The following TBCEL variants were observed in gnomAD, a reference collection of about 807,000 sequenced individuals.
The protein encoded by TBCEL is tubulin folding cofactor E like.
A neutral mutation model predicts 44.2 loss-of-function variants in TBCEL; 15 were observed. That is an observed-to-expected ratio of 0.34 (90% CI 0.23 to 0.52). The LOEUF is 0.52. Ranked by LOEUF, TBCEL falls within the 20% of genes least tolerant of loss-of-function variation. The pLI is 0.95. For synonymous variants in TBCEL, 171 were observed against 185.4 expected (o/e 0.92, Z 0.63); for missense variants, 319 against 506.3 (o/e 0.63, Z 3.55).
chr11:121,051,066 T>G lies in TBCEL; in HGVS notation c.274-2485T>G, dbSNP rs115629629. Among the ~76,000 whole-genome samples, 402 of 151,878 alleles carry G rather than the reference T, an allele frequency of 2.6e-3. 3 individuals carry two copies. The highest frequency in any genetic ancestry group is 8.9e-3 in the African/African-American group (370 of 41,496). ...AATTTGAGGTTACTCAAAAAAACCT[T>G]TTTTATTTTATCCCTTTAAAGAAAA... On this transcript the variant is annotated intron_variant, in intron 4 of 8. Coordinates refer to ENST00000683345, the MANE Select transcript of TBCEL (RefSeq NM_001363644.2).
At chr11:121,062,775 T>C (rs141908433) in intron 8 of TBCEL, among the ~76,000 whole-genome samples, 1 of 152,278 alleles carries the variant, frequency 6.6e-6, no homozygotes, top group African/African-American at 2.4e-5. Flanking sequence ...AAACCAACTT[T>C]AGACAGGAAC....
chr11:121,058,609 T>C (rs1945664502), intron 7 of TBCEL, 138 bp downstream of exon 7: 1 of 1,040,068 alleles, frequency 9.6e-7, no homozygotes, highest in Non-Finnish European at 1.4e-6. Context: ...GCTGCCCCTG[T>C]AGCTCCAAAT....
intron 8 of TBCEL, among the ~76,000 whole-genome samples, chr11:121,071,528 T>C (rs1945932760): frequency 6.6e-6 from 1 of 152,194 alleles, no homozygotes; most frequent in African/African-American, 2.4e-5. Context: ...AAACAGGTTT[T>C]CTTAGAGGCT....
At chr11:121,030,952 C>T (rs185378842) in intron 1 of TBCEL, among the ~76,000 whole-genome samples, 34 of 151,798 alleles carry the variant, frequency 2.2e-4, no homozygotes, top group African/African-American at 7.3e-4. Flanking sequence ...TTTCAAAAGC[C>T]ATTCATGTTG....
intron 2 of TBCEL, among the ~76,000 whole-genome samples, chr11:121,037,973 T>C (rs955528314): frequency 5.9e-5 from 9 of 152,132 alleles, no homozygotes; most frequent in Non-Finnish European, 1.3e-4. Context: ...ATTTTTTTTT[T>C]TTTTTAGACG....
At chr11:121,074,195 A>G (rs1442322158) in intron 8 of TBCEL, among the ~76,000 whole-genome samples, 1 of 152,006 alleles carries the variant, frequency 6.6e-6, no homozygotes, top group Non-Finnish European at 1.5e-5. Flanking sequence ...TGGATGGGCA[A>G]TACTTCCACA....
chr11:121,062,241 T>G (rs1262023042), intron 8 of TBCEL, among the ~76,000 whole-genome samples: 1 of 152,130 alleles, frequency 6.6e-6, no homozygotes, highest in Non-Finnish European at 1.5e-5. Context: ...ATGATAGTAG[T>G]GCCTTCCTCT....
chr11:121,074,917 C>G (rs191784401), intron 8 of TBCEL, among the ~76,000 whole-genome samples: 2 of 151,964 alleles, frequency 1.3e-5, no homozygotes, highest in African/African-American at 4.8e-5. Context: ...GTGTACCCTT[C>G]ACCTAGTTTC....
chr11:121,060,301 T>A (rs1945698097), intron 8 of TBCEL, among the ~76,000 whole-genome samples: 1 of 151,980 alleles, frequency 6.6e-6, no homozygotes, highest in Non-Finnish European at 1.5e-5. Context: ...ACACATGTAT[T>A]AAGAATGATT....
intron 6 of TBCEL, among the ~76,000 whole-genome samples, chr11:121,058,120 A>T (rs1239517409): frequency 6.6e-6 from 1 of 151,648 alleles, no homozygotes; most frequent in Non-Finnish European, 1.5e-5. Flanking sequence ...AGACAATAAC[A>T]CTCTCTTAAC....
intron 1 of TBCEL, among the ~76,000 whole-genome samples, chr11:121,032,526 A>T (rs1049407290): frequency 1.3e-5 from 2 of 152,206 alleles, no homozygotes; most frequent in Non-Finnish European, 2.9e-5. Context: ...TTGATTCGTT[A>T]ACATTGAATT....
intron 1 of TBCEL, among the ~76,000 whole-genome samples, chr11:121,031,548 TTAAG>T (rs1474581081): frequency 1.3e-5 from 2 of 152,134 alleles, no homozygotes; most frequent in Non-Finnish European, 2.9e-5. Context: ...CTTACTGTTT[TTAAG>T]AGTTCTCTGT....
At position 121,049,987 on chromosome 11, in the gene TBCEL, A is replaced by G. The variant is rs140262332; in HGVS notation, c.273+2320A>G. Reference sequence around the variant, plus strand: ...AGTGCTCTATAGTCTGTTTTCAGGCAGTTTTCAAGTAAATATTTGTTGCTG... The same window carrying G: ...AGTGCTCTATAGTCTGTTTTCAGGCGGTTTTCAAGTAAATATTTGTTGCTG... On this transcript the variant is annotated intron_variant, in intron 4 of 8. Coordinates refer to ENST00000683345, the MANE Select transcript of TBCEL (RefSeq NM_001363644.2). Among the ~76,000 whole-genome samples, 291 of 151,886 alleles carry G rather than the reference A, an allele frequency of 1.9e-3. 4 individuals are homozygous for G. The highest frequency in any genetic ancestry group is 6.2e-4 in the South Asian group (3 of 4,824).
chr11:121,029,296 G>A (rs1042189173), intron 1 of TBCEL, among the ~76,000 whole-genome samples: 2 of 152,102 alleles, frequency 1.3e-5, no homozygotes, highest in Non-Finnish European at 2.9e-5. Context: ...TCCCACCTCT[G>A]CCAAAAGGGG....
intron 8 of TBCEL, among the ~76,000 whole-genome samples, chr11:121,064,244 G>A (rs1209113549): frequency 6.6e-6 from 1 of 152,170 alleles, no homozygotes; most frequent in African/African-American, 2.4e-5. Flanking sequence ...CCTTGAGTTT[G>A]CAGACCTGTC....
At chr11:121,063,760 A>AT (rs1344864623) in intron 8 of TBCEL, among the ~76,000 whole-genome samples, 1 of 152,174 alleles carries the variant, frequency 6.6e-6, no homozygotes, top group African/African-American at 2.4e-5. Flanking sequence ...TTGCCTGCAC[A>AT]TAACTTTGTT....
chr11:121,029,982 A>C (rs947090643), intron 1 of TBCEL, among the ~76,000 whole-genome samples: 1 of 152,168 alleles, frequency 6.6e-6, no homozygotes, highest in Non-Finnish European at 1.5e-5. Context: ...CAAACACTGA[A>C]CTAACGGATT....
At chr11:121,047,174 A>G (rs1009967077) in intron 3 of TBCEL, among the ~76,000 whole-genome samples, 1 of 152,102 alleles carries the variant, frequency 6.6e-6, no homozygotes, top group Non-Finnish European at 1.5e-5. Flanking sequence ...CCTATAAGAA[A>G]GTACTGGTAG....
Position 121,037,716 on chromosome 11 carries a change from A to G in TBCEL, c.-18+1104A>G, listed in dbSNP as rs113046083. 3.9e-3 allele frequency among the ~76,000 whole-genome samples: 591 copies of G among 152,348 alleles called. 8 individuals are homozygous for G. The highest frequency in any genetic ancestry group is 0.012 in the African/African-American group (483 of 41,568). On this transcript the variant is annotated intron_variant, in intron 2 of 8. Coordinates refer to ENST00000683345, the MANE Select transcript of TBCEL (RefSeq NM_001363644.2). The stretch of plus-strand genomic sequence containing the variant: ...TGTAAAAAATATATATCTACATAGC[A>G]TGGAAAAAATGATCTAGAAGGATAC...
Sources: gnomAD v4.1 joint callset for allele counts (sites outside exome capture counted in the v4.1 genomes callset) on GRCh38, gnomAD v4.1.1 for gene constraint, MANE v1.5 for transcripts, NCBI Gene and HGNC (gene_info 2026-07-23, HGNC 2026-07-21) for gene names.